Variants in GALNT16 observed in about 807,000 individuals in gnomAD.
GALNT16 encodes UDP-GalNAc:polypeptide N-acetylgalactosaminyltransferase-like protein 1.
In GALNT16, 40 loss-of-function variants were observed where a neutral mutation model predicts 76.1. That is an observed-to-expected ratio of 0.53 (90% CI 0.41 to 0.68). The LOEUF is 0.68. GALNT16 is among the 30% of genes least tolerant of loss of function. GALNT16 has a pLI of 0.00. For missense variants in GALNT16, 621 were observed against 731.9 expected (o/e 0.85, Z 1.75); for synonymous variants, 276 against 285.2 (o/e 0.97, Z 0.32).
At chr14:69,339,673 C>T in intron 11 of GALNT16, 54 bp downstream of exon 11, 1 of 1,121,344 alleles carries the variant, frequency 8.9e-7, no homozygotes. Flanking sequence ...TAGCACAACC[C>T]CAGCAAAATA....
chr14:69,332,118 T>C (rs1312675786), intron 7 of GALNT16, among the ~76,000 whole-genome samples: 1 of 152,260 alleles, frequency 6.6e-6, no homozygotes, highest in Non-Finnish European at 1.5e-5. Context: ...GAATGTAAGA[T>C]ACCTCATTAG....
intron 1 of GALNT16, among the ~76,000 whole-genome samples, chr14:69,300,280 G>C (rs2044832432): frequency 6.6e-6 from 1 of 152,198 alleles, no homozygotes; most frequent in Non-Finnish European, 1.5e-5. Context: ...AGCAAAGCTT[G>C]TGCCTGTGTA....
In GALNT16 at chr14:69,260,441, C is replaced by T; in HGVS notation, c.151C>T (p.Arg51Cys). 1.9e-6 allele frequency: 3 copies of T among 1,570,226 alleles called. No homozygotes were observed. The highest frequency in any genetic ancestry group is 2.6e-6 in the Non-Finnish European group (3 of 1,157,312). Residue 51 changes from arginine to cysteine, a missense_variant, in exon 1 of 15, where the codon CGC (arginine) becomes TGC (cysteine). By Grantham distance (180) the Arg-to-Cys change is radical. Coordinates refer to ENST00000448469, the MANE Select transcript of GALNT16 (RefSeq NM_001168368.2). ...QRAGRRSEQL[R>C]EDRTIPLIVT... is the part of the protein sequence containing the mutation. The stretch of plus-strand genomic sequence containing the variant: ...GGCAGGCAGGAGGTCGGAGCAGCTC[C>T]GCGAGGACCGCACCATCCCGCTCAT...
chr14:69,320,572 A>G (rs1389866834), intron 1 of GALNT16, 139 bp from the exon 2 acceptor site: 9 of 651,772 alleles, frequency 1.4e-5, no homozygotes, highest in Non-Finnish European at 2.5e-5. Context: ...TGGGGGAGAT[A>G]ATGGTCTCCT....
intron 1 of GALNT16, among the ~76,000 whole-genome samples, chr14:69,319,294 G>A (rs1349375226): frequency 1.3e-5 from 2 of 152,246 alleles, no homozygotes; most frequent in South Asian, 2.1e-4. Flanking sequence ...TCGGGGGCTA[G>A]GCTCTCAGGG....
intron 1 of GALNT16, among the ~76,000 whole-genome samples, chr14:69,274,071 G>A (rs1297869770): frequency 6.6e-6 from 1 of 152,204 alleles, no homozygotes; most frequent in Non-Finnish European, 1.5e-5. Context: ...TTACTAGCAA[G>A]TTACTTAAGC....
At chr14:69,336,193 T>C (rs911547001) in intron 9 of GALNT16, among the ~76,000 whole-genome samples, 2 of 152,166 alleles carry the variant, frequency 1.3e-5, no homozygotes, top group Non-Finnish European at 2.9e-5. Flanking sequence ...CATTGCACTC[T>C]CTGCCTCCAG....
upstream of GALNT16, chr14:69,259,779 A>T (rs1434251127): frequency 6.5e-6 from 1 of 154,330 alleles, no homozygotes; most frequent in Non-Finnish European, 1.4e-5. Flanking sequence ...TCGGTGACTC[A>T]AGGCCGCTCG....
At position 69,352,107 on chromosome 14, in the gene GALNT16, TGACCAGCAAGTGTCAGGCTGACGCCCAG is replaced by T. The variant is rs2045644962; in HGVS notation, c.1618_1645del (p.Thr540ProfsTer96). The stretch of plus-strand genomic sequence containing the variant: ...CTGGAGACAAAGCCTGCCCAGCTGG[TGACCAGCAAGTGTCAGGCTGACGCCCAG>T]GCCCAGCAGTGGCAGCTGTTGCCAC... On this transcript the variant is annotated frameshift_variant, in exon 15 of 15. Coordinates refer to ENST00000448469, the MANE Select transcript of GALNT16 (RefSeq NM_001168368.2). LOFTEE classifies it high-confidence loss of function. The T allele has an allele frequency of 6.2e-7, 1 of 1,613,866 alleles. No homozygotes were observed. The highest frequency in any genetic ancestry group is 8.5e-7 in the Non-Finnish European group (1 of 1,179,870).
chr14:69,379,870 T>C, the GALNT16 span, among the ~76,000 whole-genome samples: 4 of 152,188 alleles, frequency 2.6e-5, no homozygotes, highest in Non-Finnish European at 4.4e-5. Flanking sequence ...ACAAGCTTTA[T>C]CACCAGAAAG....
intron 1 of GALNT16, among the ~76,000 whole-genome samples, chr14:69,283,229 C>T (rs2044567741): frequency 6.6e-6 from 1 of 151,906 alleles, no homozygotes; most frequent in Admixed American, 6.5e-5. Flanking sequence ...TAGTACGATC[C>T]ACAAATGATG....
intron 1 of GALNT16, among the ~76,000 whole-genome samples, chr14:69,301,883 G>C (rs1195373182): frequency 3.9e-5 from 6 of 152,090 alleles, no homozygotes; most frequent in Non-Finnish European, 8.8e-5. Context: ...CCAGCTACTC[G>C]GGAGGCTGAG....
chr14:69,313,269 G>A (rs368859199), intron 1 of GALNT16, among the ~76,000 whole-genome samples: 21 of 152,318 alleles, frequency 1.4e-4, no homozygotes, highest in African/African-American at 3.6e-4. Context: ...TTGCACTGGC[G>A]AAACTGATAA....
chr14:69,380,507 C>T, the GALNT16 span: 1 of 1,117,950 alleles, frequency 8.9e-7, no homozygotes, highest in South Asian at 1.2e-5. Flanking sequence ...GTTCCAAGCC[C>T]ACCCCAACCC....
intron 2 of GALNT16, among the ~76,000 whole-genome samples, chr14:69,323,439 C>T (rs771646893): frequency 2.6e-5 from 4 of 152,204 alleles, no homozygotes; most frequent in Non-Finnish European, 4.4e-5. Context: ...TTCAGGGAGA[C>T]GTCACTGTCC....
chr14:69,304,656 A>T (rs973373162), intron 1 of GALNT16, among the ~76,000 whole-genome samples: 1 of 152,176 alleles, frequency 6.6e-6, no homozygotes, highest in Non-Finnish European at 1.5e-5. Context: ...TGAATCTGAC[A>T]TTTTGATGTC....
At chr14:69,305,239 C>G (rs1392468079) in intron 1 of GALNT16, among the ~76,000 whole-genome samples, 2 of 148,340 alleles carry the variant, frequency 1.3e-5, no homozygotes, top group African/African-American at 5.0e-5. Flanking sequence ...TCTCGGCTCA[C>G]TGAAATCTCT....
intron 1 of GALNT16, among the ~76,000 whole-genome samples, chr14:69,289,158 G>T (rs550423421): frequency 4.7e-4 from 72 of 152,066 alleles, no homozygotes; most frequent in Non-Finnish European, 8.1e-4. Flanking sequence ...GATTACAGGC[G>T]TGGGTCACCA....
chr14:69,260,916 A>G (rs1210259079), intron 1 of GALNT16, among the ~76,000 whole-genome samples: 1 of 150,270 alleles, frequency 6.7e-6, no homozygotes, highest in Non-Finnish European at 1.5e-5. Context: ...CTGGGGGCAG[A>G]GGACATCGGG....
Sources: gnomAD v4.1 joint callset for allele counts (sites outside exome capture counted in the v4.1 genomes callset) on GRCh38, gnomAD v4.1.1 for gene constraint, MANE v1.5 for transcripts, NCBI Gene and HGNC (gene_info 2026-07-23, HGNC 2026-07-21) for gene names.